PDE7B: variants seen among roughly 807,000 people sequenced by gnomAD.
PDE7B encodes 3',5'-cyclic-AMP phosphodiesterase 7B.
Under a neutral mutation model 56.2 loss-of-function variants are expected in PDE7B, and 29 were observed. The ratio of observed to expected loss-of-function variants is 0.52; its 90% CI spans 0.38 to 0.70. PDE7B has a LOEUF of 0.70. Ranked by LOEUF, PDE7B falls within the 30% of genes least tolerant of loss-of-function variation. The pLI is 0.00. For missense variants in PDE7B, 490 were observed against 565.0 expected (o/e 0.87, Z 1.35); for synonymous variants, 197 against 196.9 (o/e 1.00, Z 0.00).
chr6:136,172,951 G>A (rs1160676917), intron 8 of PDE7B, among the ~76,000 whole-genome samples: 2 of 151,946 alleles, frequency 1.3e-5, no homozygotes, highest in East Asian at 1.9e-4. Flanking sequence ...TACAAGGGAC[G>A]TGAAGGACCT....
At chr6:135,939,439 A>C (rs985091408) in intron 1 of PDE7B, among the ~76,000 whole-genome samples, 4 of 152,322 alleles carry the variant, frequency 2.6e-5, no homozygotes, top group Middle Eastern at 3.4e-3. Context: ...CTGACGTTTT[A>C]ACAGCCTGCA....
intron 2 of PDE7B, among the ~76,000 whole-genome samples, chr6:136,011,397 T>C (rs1029139904): frequency 2.6e-4 from 40 of 152,346 alleles, no homozygotes; most frequent in African/African-American, 9.4e-4. Flanking sequence ...TGAGCCCATT[T>C]ATCATTATTT....
At chr6:135,978,532 T>G (rs1416226157) in intron 2 of PDE7B, among the ~76,000 whole-genome samples, 1 of 152,154 alleles carries the variant, frequency 6.6e-6, no homozygotes, top group African/African-American at 2.4e-5. Context: ...TTTTTTTACT[T>G]TATGAACTTA....
At chr6:135,902,566 A>G (rs1359400562) in intron 1 of PDE7B, among the ~76,000 whole-genome samples, 1 of 152,180 alleles carries the variant, frequency 6.6e-6, no homozygotes, top group Non-Finnish European at 1.5e-5. Context: ...CCTCTGCTTA[A>G]TTTCAATATA....
intron 1 of PDE7B, among the ~76,000 whole-genome samples, chr6:135,875,120 T>A (rs1775467501): frequency 6.6e-6 from 1 of 152,064 alleles, no homozygotes; most frequent in South Asian, 2.1e-4. Context: ...GAGTGCATAT[T>A]CTTGGTGTGT....
At chr6:136,150,280 G>T (rs6941286) in intron 5 of PDE7B, among the ~76,000 whole-genome samples, 1 of 152,042 alleles carries the variant, frequency 6.6e-6, no homozygotes, top group African/African-American at 2.4e-5. Context: ...GAAATAAATT[G>T]TATTTCCACC....
intron 1 of PDE7B, among the ~76,000 whole-genome samples, chr6:135,865,454 G>C (rs1390628040): frequency 6.6e-6 from 1 of 152,014 alleles, no homozygotes; most frequent in Non-Finnish European, 1.5e-5. Flanking sequence ...TCTCAATCTT[G>C]CCTCTCATAT....
chr6:136,123,020 T>C (rs1036955189), intron 3 of PDE7B, among the ~76,000 whole-genome samples: 1 of 152,216 alleles, frequency 6.6e-6, no homozygotes, highest in Admixed American at 6.5e-5. Flanking sequence ...CTCTTCTAAT[T>C]GCTTAGCTCT....
intron 2 of PDE7B, among the ~76,000 whole-genome samples, chr6:136,033,035 A>G (rs943563031): frequency 6.6e-6 from 1 of 152,224 alleles, no homozygotes; most frequent in Non-Finnish European, 1.5e-5. Flanking sequence ...CGAATGTGAA[A>G]TTCTGAAAAG....
rs1778589451 is a variant in PDE7B at position 136,155,569 on chromosome 6, A to G, written c.580-58A>G. 3 of 1,485,244 alleles carry G rather than the reference A, an allele frequency of 2.0e-6. No individual in the cohort carries two copies. In the South Asian group the frequency reaches 3.7e-5, roughly 18 times the overall value. The allele number at this position is 1,485,244 out of a possible 1,614,324, so 92.0% of individuals were successfully genotyped here. A position where few individuals can be genotyped will look rare whatever the true frequency, so the allele number is the denominator to read the frequency against. On this transcript the variant is annotated intron_variant, in intron 7 of 12. Transcript: ENST00000308191. ...CATTGTGTTTGATTTAGCCAAAATG[A>G]TTATGAGCCTATTTGTGAAAATACA...
At chr6:136,046,738 A>G (rs1776515848) in intron 2 of PDE7B, among the ~76,000 whole-genome samples, 1 of 152,206 alleles carries the variant, frequency 6.6e-6, no homozygotes, top group African/African-American at 2.4e-5. Flanking sequence ...CAATGTGCCC[A>G]TATCTATAGA....
At chr6:136,096,197 A>G (rs1014168597) in intron 2 of PDE7B, 5 of 152,232 alleles carry the variant, frequency 3.3e-5, no homozygotes, top group African/African-American at 1.2e-4. Context: ...TTGGTGTGGA[A>G]GTCTCCTAAG....
intron 2 of PDE7B, among the ~76,000 whole-genome samples, chr6:136,015,722 A>G (rs1341038667): frequency 6.6e-6 from 1 of 152,076 alleles, no homozygotes; most frequent in Non-Finnish European, 1.5e-5. Context: ...GATTCCTTCC[A>G]TTCTTGGTGC....
intron 2 of PDE7B, among the ~76,000 whole-genome samples, chr6:136,019,797 T>C (rs1344806002): frequency 6.6e-6 from 1 of 152,180 alleles, no homozygotes; most frequent in East Asian, 1.9e-4. Context: ...GAAAGTGTTA[T>C]TAAGAAAATC....
intron 1 of PDE7B, among the ~76,000 whole-genome samples, chr6:135,877,756 A>AC (rs200505501): frequency 0.017 from 2,404 of 143,842 alleles, 78 homozygotes; most frequent in African/African-American, 0.065. Context: ...ACAAAACAAA[A>AC]AAAAAAAAAA....
At chr6:135,987,137 C>G (rs757497016) in intron 2 of PDE7B, among the ~76,000 whole-genome samples, 25 of 152,106 alleles carry the variant, frequency 1.6e-4, no homozygotes, top group Admixed American at 3.9e-4. Context: ...CAAAGTGATC[C>G]TTAACTTTGA....
intron 1 of PDE7B, among the ~76,000 whole-genome samples, chr6:135,923,238 C>T (rs541032732): frequency 2.4e-4 from 37 of 152,172 alleles, no homozygotes; most frequent in Non-Finnish European, 4.6e-4. Flanking sequence ...TAGCTATATA[C>T]TGAGTGCCTA....
intron 2 of PDE7B, among the ~76,000 whole-genome samples, chr6:135,964,850 C>T (rs2128201963): frequency 6.6e-6 from 1 of 152,254 alleles, no homozygotes; most frequent in Non-Finnish European, 1.5e-5. Flanking sequence ...TTAGATATTG[C>T]AGGCTGGGTG....
chr6:136,149,994 A>G (rs1042246596), intron 5 of PDE7B, among the ~76,000 whole-genome samples: 3 of 152,228 alleles, frequency 2.0e-5, no homozygotes, highest in African/African-American at 4.8e-5. Context: ...GTTCAAATCA[A>G]CTGAGAAACG....
Sources: allele counts gnomAD v4.1 joint callset (sites outside exome capture counted in the v4.1 genomes callset), GRCh38; gene constraint gnomAD v4.1.1; transcripts MANE v1.5; gene names NCBI Gene and HGNC (gene_info 2026-07-23, HGNC 2026-07-21).